The following UNC13C variants were observed in gnomAD, a reference collection of about 807,000 sequenced individuals.
The protein encoded by UNC13C is unc-13 homolog C, also known as protein unc-13 homolog C.
Under a neutral mutation model 245.4 loss-of-function variants are expected in UNC13C, and 174 were observed. The ratio of observed to expected loss-of-function variants is 0.71; its 90% CI spans 0.63 to 0.80. UNC13C has a LOEUF of 0.80. Ranked by LOEUF, UNC13C falls within the 30% of genes least tolerant of loss-of-function variation. The pLI is 0.00. For synonymous variants in UNC13C, 992 were observed against 895.1 expected (o/e 1.11, Z -1.93); for missense variants, 2,829 against 2,602.9 (o/e 1.09, Z -1.89).
chr15:54,359,354 C>T (rs1261366225), intron 17 of UNC13C, among the ~76,000 whole-genome samples: 1 of 151,656 alleles, frequency 6.6e-6, no homozygotes, highest in Non-Finnish European at 1.5e-5. Context: ...TGAAAGTATT[C>T]CCACCTCTTC....
chr15:54,527,831 A>T (rs1895544261), intron 25 of UNC13C, among the ~76,000 whole-genome samples: 1 of 152,298 alleles, frequency 6.6e-6, no homozygotes, highest in Admixed American at 6.5e-5. Context: ...TGCTTTCCTA[A>T]TAAAAAATAT....
intron 30 of UNC13C, among the ~76,000 whole-genome samples, chr15:54,574,267 T>G (rs1897869383): frequency 6.6e-6 from 1 of 152,294 alleles, no homozygotes; most frequent in Admixed American, 6.5e-5. Flanking sequence ...CTCCAAAATT[T>G]GACTCAGTGG....
chr15:53,854,340 C>T, the UNC13C span, among the ~76,000 whole-genome samples: 13 of 151,814 alleles, frequency 8.6e-5, no homozygotes, highest in Admixed American at 4.6e-4. Flanking sequence ...AGGCTTGTCT[C>T]GAGCTCTTAA....
At chr15:53,936,760 C>A in the UNC13C span, among the ~76,000 whole-genome samples, 22 of 152,252 alleles carry the variant, frequency 1.4e-4, no homozygotes, top group Admixed American at 1.2e-3. Context: ...GGAGTGGACC[C>A]CCAGCAAACT....
At chr15:53,949,998 G>C in the UNC13C span, among the ~76,000 whole-genome samples, 3 of 152,052 alleles carry the variant, frequency 2.0e-5, no homozygotes, top group Non-Finnish European at 4.4e-5. Context: ...AGAAACACAG[G>C]AAGAAGATAA....
intron 17 of UNC13C, among the ~76,000 whole-genome samples, chr15:54,350,198 G>T (rs988351186): frequency 6.6e-6 from 1 of 152,158 alleles, no homozygotes. Context: ...CACCGTGTTA[G>T]CCAGGATGGT....
At chr15:54,086,733 C>CTTTATTTTTTTTTTTTTTTTT (rs1899259826) in intron 2 of UNC13C, among the ~76,000 whole-genome samples, 1 of 56,680 alleles carries the variant, frequency 1.8e-5, no homozygotes, top group Non-Finnish European at 4.8e-5. Flanking sequence ...TGCTTATTTT[C>CTTTATTTTTTTTTTTTTTTTT]TTTCTTTTTT....
chr15:54,604,515 C>A (rs1294589276), intron 30 of UNC13C, among the ~76,000 whole-genome samples: 2 of 152,144 alleles, frequency 1.3e-5, no homozygotes, highest in Admixed American at 1.3e-4. Flanking sequence ...ATACCTCTTT[C>A]CTCAAGGGGC....
At chr15:54,219,236 G>T (rs8030880) in intron 4 of UNC13C, among the ~76,000 whole-genome samples, 1,915 of 151,240 alleles carry the variant, frequency 0.013, 24 homozygotes, top group African/African-American at 0.044. Flanking sequence ...GCATGGTACT[G>T]GTACCAAAAC....
At chr15:54,434,015 C>A (rs2040928113) in intron 19 of UNC13C, among the ~76,000 whole-genome samples, 2 of 151,936 alleles carry the variant, frequency 1.3e-5, no homozygotes, top group Admixed American at 1.3e-4. Context: ...CCTAGGAATA[C>A]AACATACAAG....
intron 13 of UNC13C, among the ~76,000 whole-genome samples, chr15:54,301,465 T>C (rs1371929460): frequency 6.6e-6 from 1 of 151,962 alleles, no homozygotes; most frequent in East Asian, 1.9e-4. Flanking sequence ...CAGGCCCCGG[T>C]GTGTGATGTT....
At chr15:54,536,700 C>T (rs558789347) in intron 26 of UNC13C, among the ~76,000 whole-genome samples, 20 of 152,116 alleles carry the variant, frequency 1.3e-4, no homozygotes, top group South Asian at 2.1e-4. Context: ...AAATGTGATT[C>T]ACCATATAAA....
At chr15:54,361,062 C>A (rs2039219031) in intron 17 of UNC13C, among the ~76,000 whole-genome samples, 1 of 152,088 alleles carries the variant, frequency 6.6e-6, no homozygotes, top group Non-Finnish European at 1.5e-5. Flanking sequence ...TGGGTCTTTT[C>A]CCTTCATCTC....
At chr15:53,903,681 G>A in the UNC13C span, among the ~76,000 whole-genome samples, 2 of 152,168 alleles carry the variant, frequency 1.3e-5, no homozygotes, top group Non-Finnish European at 2.9e-5. Context: ...TCTGAAGCCT[G>A]AAAGTAGGAT....
chr15:54,573,584 G>A (rs1040875793), intron 30 of UNC13C, among the ~76,000 whole-genome samples: 1 of 152,128 alleles, frequency 6.6e-6, no homozygotes, highest in African/African-American at 2.4e-5. Context: ...TCCCCTCTGG[G>A]CTAAGTTTCA....
intron 8 of UNC13C, among the ~76,000 whole-genome samples, chr15:54,252,076 T>C (rs1267134253): frequency 6.6e-6 from 1 of 152,184 alleles, no homozygotes; most frequent in Non-Finnish European, 1.5e-5. Flanking sequence ...CTGATTAAAA[T>C]TCAGCCCAAC....
At chr15:54,631,450 A>C (rs562473751), downstream of UNC13C, 3 of 152,342 alleles carry the variant, frequency 2.0e-5, no homozygotes, top group East Asian at 5.8e-4. Context: ...CACAACAGTC[A>C]AGATATGGGA....
chr15:54,622,222 T>C, intron 30 of UNC13C, 105 bp from the exon 31 acceptor site: 2 of 791,016 alleles, frequency 2.5e-6, no homozygotes, highest in Non-Finnish European at 4.5e-6. Flanking sequence ...TGGAAAGAAC[T>C]ATTCATTTCC....
At chr15:54,364,851 A>G (rs16974557) in intron 17 of UNC13C, among the ~76,000 whole-genome samples, 3,248 of 152,274 alleles carry the variant, frequency 0.021, 117 homozygotes, top group African/African-American at 0.073. Context: ...AAAACTGTGA[A>G]TGAGTCTAAT....
Sources: allele counts gnomAD v4.1 joint callset (sites outside exome capture counted in the v4.1 genomes callset), GRCh38; gene constraint gnomAD v4.1.1; transcripts MANE v1.5; gene names NCBI Gene and HGNC (gene_info 2026-07-23, HGNC 2026-07-21).